Variants in ZNF514 observed in about 807,000 individuals in gnomAD.
ZNF514 encodes the protein zinc finger protein 514.
A neutral mutation model predicts 9.7 loss-of-function variants in ZNF514; 12 were observed. The observed-to-expected ratio is 1.24, with a 90% CI of 0.79 to 2.01. The LOEUF (loss-of-function observed/expected upper bound fraction) is 2.01, where lower values mean the gene tolerates loss of function less well. ZNF514 is among the 30% of genes most tolerant of loss of function. The pLI is 0.00. For synonymous variants in ZNF514, 158 were observed against 163.7 expected, an observed-to-expected ratio of 0.97 and a Z score of 0.27; for missense variants, 467 against 465.5, an observed-to-expected ratio of 1.00 and a Z score of -0.03.
intron 4 of ZNF514, among the ~76,000 whole-genome samples, chr2:95,151,650 G>A (rs889615019): frequency 1.3e-5 from 2 of 152,184 alleles, no homozygotes; most frequent in East Asian, 1.9e-4. Context: ...GCACACTTCT[G>A]AAGAAGGAAA....
At chr2:95,154,973 A>C (rs1231761080) in intron 2 of ZNF514, 1 of 152,262 alleles carries the variant, frequency 6.6e-6, no homozygotes, top group South Asian at 2.1e-4. Context: ...GAGTGAAAAA[A>C]GTATAGATTT....
At chr2:95,135,612 G>A in the ZNF514 span, among the ~76,000 whole-genome samples, 39 of 151,832 alleles carry the variant, frequency 2.6e-4, no homozygotes, top group African/African-American at 9.4e-4. Context: ...TGTAGAGACA[G>A]GGTCTCACTA....
chr2:95,139,822 T>C, the ZNF514 span, among the ~76,000 whole-genome samples: 2 of 152,148 alleles, frequency 1.3e-5, no homozygotes, highest in African/African-American at 4.8e-5. Context: ...AAATCTCATG[T>C]TGAAATGTAA....
Position 95,150,272 on chromosome 2 carries a change from TAAAAAAA to T in ZNF514, c.218-12_218-6del, listed in dbSNP as rs34282100. ...ATTTAGACCTTCTCTTCCAGTCTGTTAAAAAAAAAAAAAAAAAAAGAAGACATTCTAG... is the reference window on the plus strand; with the variant it reads ...ATTTAGACCTTCTCTTCCAGTCTGTTAAAAAAAAAAAAGAAGACATTCTAG... On this transcript the variant is annotated splice_region_variant and splice_polypyrimidine_tract_variant and intron_variant, in intron 4 of 4. Transcript: ENST00000295208. 5.2e-6 allele frequency: 7 copies of T among 1,340,486 alleles called. No individual in the cohort carries two copies. The highest frequency in any genetic ancestry group is 5.6e-5 in the Admixed American group (2 of 35,984). 83.0% of individuals were successfully genotyped at this position (1,340,486 alleles called of 1,614,324 possible). A position where few individuals can be genotyped will look rare whatever the true frequency, so the allele number is the denominator to read the frequency against.
the ZNF514 span, among the ~76,000 whole-genome samples, chr2:95,138,650 T>C: frequency 3.3e-5 from 5 of 152,224 alleles, no homozygotes; most frequent in African/African-American, 1.2e-4. Flanking sequence ...AAAGTTGGAA[T>C]TTGTATTTCA....
At chr2:95,158,023 C>T (rs1013508361) in intron 1 of ZNF514, among the ~76,000 whole-genome samples, 1 of 152,142 alleles carries the variant, frequency 6.6e-6, no homozygotes, top group Non-Finnish European at 1.5e-5. Context: ...TCATAAAAGC[C>T]TTAAAACAAA....
the ZNF514 span, among the ~76,000 whole-genome samples, chr2:95,123,680 C>G: frequency 2.0e-5 from 3 of 152,174 alleles, no homozygotes; most frequent in African/African-American, 7.2e-5. Context: ...TGCTCCAGTT[C>G]AGTTTCATAT....
At chr2:95,130,968 C>A in the ZNF514 span, among the ~76,000 whole-genome samples, 5 of 152,108 alleles carry the variant, frequency 3.3e-5, no homozygotes, top group Non-Finnish European at 7.3e-5. Context: ...TAAAGACAGG[C>A]GTTAAGAAAT....
rs1011215465 is a variant in ZNF514, at chr2:95,145,715, T to C, written c.*3567A>G. On this transcript the variant is annotated 3_prime_UTR_variant, in exon 5 of 5. Transcript: ENST00000295208. ...CGAACCAATGTAAATCTTACATGTATTGATGTCTTACATTCCCCTAAAATG... is the reference window on the plus strand; with the variant it reads ...CGAACCAATGTAAATCTTACATGTACTGATGTCTTACATTCCCCTAAAATG... Among the ~76,000 whole-genome samples the C allele has an allele frequency of 8.5e-5, 13 of 152,212 alleles. No individual in the cohort carries two copies. Among genetic ancestry groups the C allele is most frequent in the Non-Finnish European group, 1.3e-4 (9 of 68,044 alleles).
the ZNF514 span, among the ~76,000 whole-genome samples, chr2:95,138,029 CCAT>C: frequency 6.6e-6 from 1 of 152,200 alleles, no homozygotes; most frequent in Non-Finnish European, 1.5e-5. Flanking sequence ...TCACCTTCCA[CCAT>C]GATTGTAGCT....
chr2:95,131,259 C>T, the ZNF514 span, among the ~76,000 whole-genome samples: 1 of 152,362 alleles, frequency 6.6e-6, no homozygotes, highest in Non-Finnish European at 1.5e-5. Context: ...ACTCCCCACT[C>T]TTCCTCATGG....
chr2:95,124,982 A>G, the ZNF514 span, among the ~76,000 whole-genome samples: 3 of 151,584 alleles, frequency 2.0e-5, no homozygotes, highest in African/African-American at 7.3e-5. Flanking sequence ...CCCAGGTTCA[A>G]GCGATTCTCC....
At chr2:95,134,736 A>G in the ZNF514 span, among the ~76,000 whole-genome samples, 3 of 152,156 alleles carry the variant, frequency 2.0e-5, no homozygotes, top group Admixed American at 2.0e-4. Context: ...TAAGAGTTTT[A>G]CCATTTTAGC....
chr2:95,150,152 C>G lies in ZNF514; in HGVS notation c.333G>C (p.Ser111=), dbSNP rs368048095. Residue 111 remains serine (S), a synonymous_variant, in exon 5 of 5, where the codon TCG becomes TCC. Coordinates refer to ENST00000295208, the MANE Select transcript of ZNF514 (RefSeq NM_032788.3). The stretch of plus-strand genomic sequence containing the variant: ...CACAACCGCAGGCTGCTTTCAACTT[C>G]GAGAACTGCAGCACATCTTGAATGT... ...EKHIQDVLQF[S]KLKAACGCDG... The G allele has an allele frequency of 6.2e-7, 1 of 1,610,740 alleles. No individual in the cohort carries two copies. The highest frequency in any genetic ancestry group is 8.5e-7 in the Non-Finnish European group (1 of 1,179,990).
At chr2:95,142,458 G>C (rs761502199), downstream of ZNF514, among the ~76,000 whole-genome samples, 3 of 152,212 alleles carry the variant, frequency 2.0e-5, no homozygotes, top group Non-Finnish European at 4.4e-5. Context: ...TCACCTGGAA[G>C]AGACATTAAT....
chr2:95,125,094 G>T, the ZNF514 span, among the ~76,000 whole-genome samples: 2 of 150,428 alleles, frequency 1.3e-5, no homozygotes, highest in Non-Finnish European at 3.0e-5. Context: ...GCCCAGGCTG[G>T]TCTCAAACTC....
the ZNF514 span, among the ~76,000 whole-genome samples, chr2:95,132,565 T>C: frequency 6.6e-6 from 1 of 152,040 alleles, no homozygotes; most frequent in Non-Finnish European, 1.5e-5. Context: ...ATTTTGGCAG[T>C]TTCTTAAAAA....
chr2:95,149,437 C>T lies in ZNF514; in HGVS notation c.1048G>A (p.Gly350Arg), dbSNP rs577681556. ...GEKPYKCNKC[G>R]RAFSQSSSLT... ...GATGAACTCTGGCTGAAGGCTCTCC[C>T]ACATTTATTACATTTGTAAGGTTTC... Residue 350 changes from glycine to arginine, a missense_variant, in exon 5 of 5, where the codon GGG becomes AGG. Physicochemically the swap from Gly to Arg is moderately radical, Grantham distance 125. Coordinates refer to ENST00000295208, the MANE Select transcript of ZNF514 (RefSeq NM_032788.3). 1.2e-5 allele frequency: 19 copies of T among 1,614,036 alleles called. No individual in the cohort carries two copies. In the Admixed American group the frequency reaches 1.8e-4, roughly 16 times the overall value.
chr2:95,139,936 G>T, the ZNF514 span, among the ~76,000 whole-genome samples: 1 of 152,162 alleles, frequency 6.6e-6, no homozygotes, highest in Admixed American at 6.5e-5. Flanking sequence ...TTAAAAGTAT[G>T]TTGGGGAGGC....
Sources: allele counts gnomAD v4.1 joint callset (sites outside exome capture counted in the v4.1 genomes callset), GRCh38; gene constraint gnomAD v4.1.1; transcripts MANE v1.5; gene names NCBI Gene and HGNC (gene_info 2026-07-23, HGNC 2026-07-21).